Variants in CCDC149 observed in about 807,000 individuals in gnomAD.
CCDC149 encodes coiled-coil domain-containing protein 149.
A neutral mutation model predicts 59.9 loss-of-function variants in CCDC149; 45 were observed. The observed-to-expected ratio is 0.75, with a 90% CI of 0.59 to 0.96. The LOEUF (loss-of-function observed/expected upper bound fraction) is 0.96, where lower values mean the gene tolerates loss of function less well. Ranked by LOEUF, CCDC149 falls within the 40% of genes least tolerant of loss-of-function variation. The probability of loss-of-function intolerance (pLI) is 0.00; values close to 1 mark genes in which losing one functional copy is unlikely to be tolerated. For missense variants in CCDC149, 584 were observed against 664.7 expected (o/e 0.88, Z 1.33); for synonymous variants, 245 against 260.6 (o/e 0.94, Z 0.58).
intron 1 of CCDC149, among the ~76,000 whole-genome samples, chr4:24,961,514 C>G (rs561521426): frequency 4.6e-5 from 7 of 152,216 alleles, no homozygotes; most frequent in Middle Eastern, 3.4e-3. Context: ...CAATCCTAAG[C>G]CAAAATAACA....
At chr4:24,865,508 C>T (rs756960300) in intron 3 of CCDC149, among the ~76,000 whole-genome samples, 28 of 152,160 alleles carry the variant, frequency 1.8e-4, no homozygotes, top group Non-Finnish European at 3.1e-4. Context: ...TTTGCTATAG[C>T]GACAGCTTTC....
chr4:24,907,527 G>T (rs961813011), intron 1 of CCDC149, among the ~76,000 whole-genome samples: 2 of 152,154 alleles, frequency 1.3e-5, no homozygotes, highest in African/African-American at 2.4e-5. Flanking sequence ...GCATCCCAGG[G>T]TTTCACAGGA....
intron 1 of CCDC149, among the ~76,000 whole-genome samples, chr4:24,905,142 C>T (rs1444799292): frequency 1.3e-5 from 2 of 151,774 alleles, no homozygotes; most frequent in Non-Finnish European, 2.9e-5. Flanking sequence ...CCTCATGATC[C>T]ACCGCCGTGG....
intron 4 of CCDC149, among the ~76,000 whole-genome samples, chr4:24,839,024 T>TCACA (rs1450322545): frequency 1.9e-5 from 2 of 107,330 alleles, no homozygotes; most frequent in African/African-American, 7.8e-5. Flanking sequence ...TCTCTCTCTC[T>TCACA]CTCTCACACA....
At chr4:24,933,490 TA>T (rs1696286820) in intron 1 of CCDC149, among the ~76,000 whole-genome samples, 1 of 152,198 alleles carries the variant, frequency 6.6e-6, no homozygotes, top group African/African-American at 2.4e-5. Flanking sequence ...TGAAGATGAG[TA>T]TAATTTTTTG....
intron 4 of CCDC149, among the ~76,000 whole-genome samples, chr4:24,843,012 T>TAA (rs59079628): frequency 6.8e-6 from 1 of 147,790 alleles, no homozygotes; most frequent in Admixed American, 6.7e-5. Context: ...GTGACTTGTT[T>TAA]AAAAAAAAAA....
Position 24,912,891 on chromosome 4 carries a change from C to G in CCDC149, c.-12G>C. ...GCCTCCTCCTCCATGCGCTGGCCGG[C>G]CTCCTGGACCCCCGCCGCCTCCTCC... On this transcript the variant is annotated 5_prime_UTR_variant, in exon 1 of 13. Transcript: ENST00000635206. The G allele has an allele frequency of 7.5e-7, 1 of 1,330,810 alleles. No homozygotes were observed. The allele number at this position is 1,330,810 out of a possible 1,614,324, so 82.4% of individuals were successfully genotyped here.
chr4:24,908,093 G>C (rs2109320439), intron 1 of CCDC149, among the ~76,000 whole-genome samples: 1 of 152,292 alleles, frequency 6.6e-6, no homozygotes, highest in East Asian at 1.9e-4. Flanking sequence ...TATCTGCAAA[G>C]ACCCTACTTC....
chr4:24,916,528 C>T (rs1722123775), upstream of CCDC149, among the ~76,000 whole-genome samples: 1 of 152,136 alleles, frequency 6.6e-6, no homozygotes, highest in African/African-American at 2.4e-5. Context: ...CGCGGGAAAG[C>T]CCTAAAGCTT....
intron 1 of CCDC149, among the ~76,000 whole-genome samples, chr4:24,975,193 T>C (rs1209082818): frequency 6.6e-6 from 1 of 151,928 alleles, no homozygotes; most frequent in Non-Finnish European, 1.5e-5. Flanking sequence ...CTGTTCTTTA[T>C]TAATTACCCA....
chr4:24,919,684 A>T (rs185595188), intron 1 of CCDC149, among the ~76,000 whole-genome samples: 76 of 152,368 alleles, frequency 5.0e-4, no homozygotes, highest in Non-Finnish European at 1.0e-3. Flanking sequence ...GTAATTGGAC[A>T]AAACATTTAA....
chr4:24,861,284 C>CAT (rs4053969), intron 3 of CCDC149, among the ~76,000 whole-genome samples: 1 of 150,838 alleles, frequency 6.6e-6, no homozygotes, highest in African/African-American at 2.4e-5. Context: ...CACACACACA[C>CAT]CATGGAGTAC....
At chr4:24,960,072 G>A (rs1428914234) in intron 1 of CCDC149, among the ~76,000 whole-genome samples, 2 of 152,118 alleles carry the variant, frequency 1.3e-5, no homozygotes, top group African/African-American at 2.4e-5. Flanking sequence ...ATGAATTGTG[G>A]AGTTTATAAC....
chr4:24,942,369 A>G (rs143449924), intron 1 of CCDC149, among the ~76,000 whole-genome samples: 15,252 of 152,218 alleles, frequency 0.1, 1,401 homozygotes, highest in East Asian at 0.29. Flanking sequence ...AAAACTCTCA[A>G]TAAATTAGGT....
In CCDC149 at chr4:24,876,229, C is replaced by T. The variant is rs148835857; in HGVS notation, c.225+307G>A. Among the ~76,000 whole-genome samples the T allele has an allele frequency of 2.6e-4, 39 of 151,228 alleles. No individual in the cohort carries two copies. In the East Asian group the frequency reaches 7.7e-3, roughly 30 times the overall value. ...TGTCTCCCTTGGATAAGCCAGGAGC[C>T]TACTGCAAACACACATGAATATGTT... On this transcript the variant is annotated intron_variant, in intron 2 of 12. Coordinates refer to ENST00000635206, the MANE Select transcript of CCDC149 (RefSeq NM_001330643.2).
intron 1 of CCDC149, among the ~76,000 whole-genome samples, chr4:24,946,620 AT>A (rs1240850812): frequency 6.6e-6 from 1 of 152,206 alleles, no homozygotes; most frequent in Non-Finnish European, 1.5e-5. Flanking sequence ...AGAAAATAAA[AT>A]GTTGATTAAC....
chr4:24,808,665 A>C lies in CCDC149; in HGVS notation c.1347T>G (p.Pro449=), dbSNP rs373675007. 7.9e-5 allele frequency: 123 copies of C among 1,552,274 alleles called. No individual in the cohort carries two copies. The highest frequency in any genetic ancestry group is 1.0e-4 in the Non-Finnish European group (115 of 1,147,150). The stretch of plus-strand genomic sequence containing the variant: ...CAAGGCTGTTTACTTCTTCCTCAGA[A>C]GGTAACTGGGGTAATGAAGGATGAA... The change falls in exon 13 of 13, where the codon CCT becomes CCG. Residue 449 remains proline, a synonymous_variant. Coordinates refer to ENST00000635206, the MANE Select transcript of CCDC149 (RefSeq NM_001330643.2).
intron 9 of CCDC149, 44 bp from the exon 10 acceptor site, chr4:24,822,617 G>T: frequency 7.1e-7 from 1 of 1,409,950 alleles, no homozygotes; most frequent in African/African-American, 1.5e-5. Flanking sequence ...TGAGCATCCT[G>T]TCAGCCCCCA....
rs530350136 is a variant in CCDC149 at position 24,806,136 on chromosome 4, T to C, written c.*2253A>G. The stretch of plus-strand genomic sequence containing the variant: ...TGTAAGTAATTGCAGAAAGCCCCTT[T>C]AATGTCTGTGGAACAGAAGAACCAT... On this transcript the variant is annotated 3_prime_UTR_variant, in exon 13 of 13. Coordinates refer to ENST00000635206, the MANE Select transcript of CCDC149 (RefSeq NM_001330643.2). 1.1e-4 allele frequency: 16 copies of C among 152,272 alleles called. No individual in the cohort carries two copies. The East Asian group carries it at 2.9e-3, about 28-fold the overall frequency. 9.4% of individuals were successfully genotyped at this position (152,272 alleles called of 1,614,324 possible). A position where few individuals can be genotyped will look rare whatever the true frequency, so the allele number is the denominator to read the frequency against.
Sources: allele counts gnomAD v4.1 joint callset (sites outside exome capture counted in the v4.1 genomes callset), GRCh38; gene constraint gnomAD v4.1.1; transcripts MANE v1.5; gene names NCBI Gene and HGNC (gene_info 2026-07-23, HGNC 2026-07-21).